ATP10B: variants seen among roughly 807,000 people sequenced by gnomAD.
The protein encoded by ATP10B is phospholipid-transporting ATPase VB.
ATP10B carries 122 observed loss-of-function variants against 141.2 expected under a neutral mutation model. The observed-to-expected ratio is 0.86, with a 90% CI of 0.75 to 1.00. The LOEUF (loss-of-function observed/expected upper bound fraction) is 1.00, where lower values mean the gene tolerates loss of function less well. Ranked by LOEUF, ATP10B falls within the 50% of genes least tolerant of loss-of-function variation. The pLI is 0.00. For missense variants in ATP10B, 1,876 were observed against 1,825.3 expected, an observed-to-expected ratio of 1.03 and a Z score of -0.51; for synonymous variants, 685 against 692.0, an observed-to-expected ratio of 0.99 and a Z score of 0.16.
chr5:160,680,985 C>G (rs1763362476), intron 6 of ATP10B, among the ~76,000 whole-genome samples: 1 of 152,264 alleles, frequency 6.6e-6, no homozygotes, highest in South Asian at 2.1e-4. Flanking sequence ...AGAGAAGTCT[C>G]CCTGAGAGTT....
intron 3 of ATP10B, among the ~76,000 whole-genome samples, chr5:160,700,500 G>A (rs1027267649): frequency 2.0e-4 from 31 of 152,120 alleles, no homozygotes; most frequent in African/African-American, 6.8e-4. Context: ...TTCCCCAAAC[G>A]GCAGCCTGGA....
Position 160,685,402 on chromosome 5 carries a change from G to A in ATP10B, c.470+677C>T, listed in dbSNP as rs1251395388. On this transcript the variant is annotated intron_variant, in intron 6 of 25. Coordinates refer to ENST00000327245, the MANE Select transcript of ATP10B (RefSeq NM_025153.3). The stretch of plus-strand genomic sequence containing the variant: ...GCAGAGAACAGGTGTGTATCCACCA[G>A]GCCACTTCCTTCTACTTGTTTGAGA... 2.4e-5 allele frequency: 11 copies of A among 453,062 alleles called. No individual in the cohort carries two copies. The Admixed American group carries it at 4.0e-4, about 16-fold the overall frequency. 28.1% of individuals were successfully genotyped at this position (453,062 alleles called of 1,614,324 possible). A position where few individuals can be genotyped will look rare whatever the true frequency, so the allele number is the denominator to read the frequency against.
upstream of ATP10B, among the ~76,000 whole-genome samples, chr5:160,853,275 T>TCC (rs150517473): frequency 0.012 from 1,895 of 152,306 alleles, 37 homozygotes; most frequent in African/African-American, 0.043. Context: ...TTCCTTTACT[T>TCC]CCCTTCACTC....
intron 13 of ATP10B, among the ~76,000 whole-genome samples, chr5:160,623,916 TAG>T (rs1352143781): frequency 6.6e-6 from 1 of 152,210 alleles, no homozygotes; most frequent in Non-Finnish European, 1.5e-5. Context: ...GCCTCAAAAA[TAG>T]AGAGGTTGAG....
At chr5:160,807,051 G>T (rs1643962887) in intron 1 of ATP10B, among the ~76,000 whole-genome samples, 1 of 152,122 alleles carries the variant, frequency 6.6e-6, no homozygotes, top group African/African-American at 2.4e-5. Context: ...AGAGAATCTA[G>T]CAATAAATTA....
intron 1 of ATP10B, among the ~76,000 whole-genome samples, chr5:160,826,208 G>T (rs1446431954): frequency 6.6e-6 from 1 of 152,026 alleles, no homozygotes. Context: ...TGGTAGCTCT[G>T]CTTTAAGTTT....
chr5:160,744,412 G>A (rs1337903259), intron 2 of ATP10B, among the ~76,000 whole-genome samples: 1 of 152,168 alleles, frequency 6.6e-6, no homozygotes, highest in East Asian at 1.9e-4. Context: ...TATCTGGCTG[G>A]GGACTGTGGC....
intron 10 of ATP10B, among the ~76,000 whole-genome samples, chr5:160,637,693 CTA>C (rs780527805): frequency 1.6e-4 from 24 of 152,224 alleles, no homozygotes; most frequent in Admixed American, 3.3e-4. Context: ...AATACCTTCT[CTA>C]TAGAGTTATT....
At chr5:160,884,470 CTTTT>C in the ATP10B span, among the ~76,000 whole-genome samples, 2 of 152,070 alleles carry the variant, frequency 1.3e-5, no homozygotes, top group African/African-American at 4.8e-5. Flanking sequence ...GATAATTTTT[CTTTT>C]TAAGTTTCCT....
chr5:160,689,869 A>C (rs1460945946), intron 3 of ATP10B, among the ~76,000 whole-genome samples: 1 of 152,160 alleles, frequency 6.6e-6, no homozygotes, highest in Admixed American at 6.5e-5. Context: ...TAAATTTCAT[A>C]TGTAACCAAA....
chr5:160,575,819 G>C (rs1206978903), intron 24 of ATP10B, among the ~76,000 whole-genome samples: 1 of 152,144 alleles, frequency 6.6e-6, no homozygotes. Context: ...AACCAACTAT[G>C]ACTGAATTGA....
chr5:160,597,963 A>G (rs900652456), intron 22 of ATP10B, among the ~76,000 whole-genome samples: 10 of 148,022 alleles, frequency 6.8e-5, no homozygotes, highest in Admixed American at 5.5e-4. Flanking sequence ...AAACTAGTTC[A>G]ACCATTGTGG....
chr5:160,686,077 A>G lies in ATP10B; in HGVS notation c.470+2T>C. The G allele has an allele frequency of 6.4e-7, 1 of 1,554,282 alleles. No homozygotes were observed. ...AGAGAACACAGGGATGGTTTTTCTT[A>G]CCTTTCATAAATTCGAATGTTGGAG... On this transcript the variant is annotated splice_donor_variant, in intron 6 of 25. Transcript: ENST00000327245. LOFTEE classifies it high-confidence loss of function.
chr5:160,697,246 A>G (rs565031579), intron 3 of ATP10B, among the ~76,000 whole-genome samples: 19 of 152,186 alleles, frequency 1.2e-4, no homozygotes, highest in Non-Finnish European at 1.0e-4. Flanking sequence ...AAGACCCTCC[A>G]TAAGTTTTGT....
At chr5:160,680,858 G>A (rs1241600779) in intron 6 of ATP10B, among the ~76,000 whole-genome samples, 1 of 152,188 alleles carries the variant, frequency 6.6e-6, no homozygotes, top group Admixed American at 6.5e-5. Flanking sequence ...GCTCTAGGGA[G>A]TAGTAAGCTT....
the ATP10B span, among the ~76,000 whole-genome samples, chr5:160,910,407 A>G: frequency 2.0e-5 from 3 of 152,326 alleles, no homozygotes; most frequent in East Asian, 3.9e-4. Flanking sequence ...GGAGAGCTCC[A>G]TGAGAGCAGA....
At chr5:160,686,422 C>A in intron 5 of ATP10B, 149 bp from the exon 6 acceptor site, 1 of 567,854 alleles carries the variant, frequency 1.8e-6, no homozygotes, top group Non-Finnish European at 3.0e-6. Context: ...TGAAGCCAAA[C>A]CCATCTAGAT....
chr5:160,671,274 C>T (rs1561733117), intron 6 of ATP10B, among the ~76,000 whole-genome samples: 1 of 151,334 alleles, frequency 6.6e-6, no homozygotes, highest in African/African-American at 2.4e-5. Flanking sequence ...CTGTGTTCAG[C>T]CCTTGCTTCC....
At chr5:160,583,127 G>A (rs1452907596) in intron 24 of ATP10B, among the ~76,000 whole-genome samples, 1 of 152,184 alleles carries the variant, frequency 6.6e-6, no homozygotes, top group Non-Finnish European at 1.5e-5. Flanking sequence ...CCTTGCTGGT[G>A]AGGAGTTGTG....
Sources: allele counts gnomAD v4.1 joint callset (sites outside exome capture counted in the v4.1 genomes callset), GRCh38; gene constraint gnomAD v4.1.1; transcripts MANE v1.5; gene names NCBI Gene and HGNC (gene_info 2026-07-23, HGNC 2026-07-21).